Variants in PLCB1 observed in about 807,000 individuals in gnomAD.
PLCB1 encodes the protein 1-phosphatidylinositol 4,5-bisphosphate phosphodiesterase beta-1.
In PLCB1, 46 loss-of-function variants were observed where a neutral mutation model predicts 161.8. The observed-to-expected ratio is 0.28, with a 90% CI of 0.22 to 0.36. The LOEUF (loss-of-function observed/expected upper bound fraction) is 0.36, where lower values mean the gene tolerates loss of function less well. PLCB1 is among the 10% of genes least tolerant of loss of function. The pLI is 1.00. For missense variants in PLCB1, 1,016 were observed against 1,472.5 expected (o/e 0.69, Z 5.07); for synonymous variants, 517 against 503.7 (o/e 1.03, Z -0.35).
At chr20:8,209,105 G>T (rs886434675) in intron 2 of PLCB1, among the ~76,000 whole-genome samples, 1 of 152,100 alleles carries the variant, frequency 6.6e-6, no homozygotes, top group Non-Finnish European at 1.5e-5. Context: ...TCTATGGATT[G>T]TACAGATGGT....
chr20:8,651,761 T>C (rs932903073), intron 7 of PLCB1: 5 of 413,762 alleles, frequency 1.2e-5, no homozygotes, highest in African/African-American at 2.0e-5. Flanking sequence ...AAAGAAAGAC[T>C]GGAGAACTAC....
intron 3 of PLCB1, among the ~76,000 whole-genome samples, chr20:8,505,224 A>G (rs1983589360): frequency 1.3e-5 from 2 of 152,182 alleles, no homozygotes; most frequent in East Asian, 1.9e-4. Flanking sequence ...ACCAATGGCA[A>G]TTCTTTTTAC....
intron 3 of PLCB1, among the ~76,000 whole-genome samples, chr20:8,401,150 G>A (rs944217286): frequency 1.8e-5 from 2 of 111,334 alleles, no homozygotes; most frequent in African/African-American, 4.5e-5. Flanking sequence ...GAGTGGAGAG[G>A]AAACTTTTCA....
intron 2 of PLCB1, among the ~76,000 whole-genome samples, chr20:8,158,577 C>T (rs2051586992): frequency 6.6e-6 from 1 of 152,134 alleles, no homozygotes; most frequent in Non-Finnish European, 1.5e-5. Flanking sequence ...AAAGTCTTAA[C>T]TCATTTCAGC....
chr20:8,631,945 T>C (rs1033730312), intron 4 of PLCB1, among the ~76,000 whole-genome samples: 7 of 150,730 alleles, frequency 4.6e-5, no homozygotes, highest in African/African-American at 1.7e-4. Flanking sequence ...CTACACAATG[T>C]CCTTACAACA....
At chr20:8,459,432 T>C (rs974588738) in intron 3 of PLCB1, among the ~76,000 whole-genome samples, 1 of 152,194 alleles carries the variant, frequency 6.6e-6, no homozygotes, top group African/African-American at 2.4e-5. Flanking sequence ...CTGCCATGTA[T>C]TGCTGCTGCC....
intron 2 of PLCB1, among the ~76,000 whole-genome samples, chr20:8,307,970 G>A (rs933559055): frequency 3.3e-5 from 5 of 151,900 alleles, no homozygotes; most frequent in Non-Finnish European, 7.4e-5. Context: ...TACTTGACTT[G>A]TGGCTGTTTA....
At position 8,501,864 on chromosome 20, in the gene PLCB1, CATATATATATATATATAT is replaced by C. The variant is rs36226867; in HGVS notation, c.247-126395_247-126378del. ...TATTTTTTTTAAAAAAGATATATCG[CATATATATATATATATAT>C]ATATATATATATATATATATATATA... On this transcript the variant is annotated intron_variant, in intron 3 of 31. Coordinates refer to ENST00000338037, the MANE Select transcript of PLCB1 (RefSeq NM_015192.4). 4.7e-3 allele frequency among the ~76,000 whole-genome samples: 494 copies of C among 104,666 alleles called. 7 individuals carry two copies. The highest frequency in any genetic ancestry group is 0.01 in the African/African-American group (273 of 26,436). The allele number at this position is 104,666 out of a possible 152,430, so 68.7% of individuals were successfully genotyped here.
intron 9 of PLCB1, among the ~76,000 whole-genome samples, chr20:8,667,515 CA>C (rs1288140487): frequency 2.6e-5 from 4 of 152,196 alleles, no homozygotes; most frequent in Admixed American, 6.5e-5. Flanking sequence ...TCCCAGAAGG[CA>C]GGGCCTGGGC....
At chr20:8,188,911 T>C (rs1253739981) in intron 2 of PLCB1, among the ~76,000 whole-genome samples, 5 of 152,162 alleles carry the variant, frequency 3.3e-5, no homozygotes, top group Admixed American at 1.3e-4. Context: ...TGTGATTTGA[T>C]AGGTAATTCA....
intron 31 of PLCB1, among the ~76,000 whole-genome samples, chr20:8,824,305 T>C (rs568658166): frequency 6.6e-6 from 1 of 152,286 alleles, no homozygotes; most frequent in South Asian, 2.1e-4. Flanking sequence ...AAAGGGTGGA[T>C]ACACTAAGCA....
intron 3 of PLCB1, among the ~76,000 whole-genome samples, chr20:8,614,533 C>A (rs971826818): frequency 1.3e-5 from 2 of 151,322 alleles, no homozygotes; most frequent in Non-Finnish European, 2.9e-5. Flanking sequence ...TATCAGTAAG[C>A]AGTCAAGTTA....
At chr20:8,590,841 G>A (rs1987127275) in intron 3 of PLCB1, among the ~76,000 whole-genome samples, 1 of 151,922 alleles carries the variant, frequency 6.6e-6, no homozygotes, top group Non-Finnish European at 1.5e-5. Flanking sequence ...TTAAGTTCTG[G>A]GGTCCATGTG....
At chr20:8,356,614 G>A (rs998997656) in intron 2 of PLCB1, among the ~76,000 whole-genome samples, 1 of 152,094 alleles carries the variant, frequency 6.6e-6, no homozygotes, top group Non-Finnish European at 1.5e-5. Flanking sequence ...TAAGACTCAG[G>A]TTAATTTAAT....
chr20:8,795,384 T>C (rs937157134), intron 31 of PLCB1, among the ~76,000 whole-genome samples: 1 of 152,130 alleles, frequency 6.6e-6, no homozygotes, highest in Non-Finnish European at 1.5e-5. Context: ...TGCACATAAG[T>C]CCCATGGAAA....
At chr20:8,276,070 A>G (rs763734625) in intron 2 of PLCB1, among the ~76,000 whole-genome samples, 11 of 152,194 alleles carry the variant, frequency 7.2e-5, no homozygotes, top group Non-Finnish European at 1.3e-4. Flanking sequence ...TTCAGATAAG[A>G]TGCACTGTCA....
At chr20:8,275,956 C>G (rs1982523297) in intron 2 of PLCB1, among the ~76,000 whole-genome samples, 2 of 151,150 alleles carry the variant, frequency 1.3e-5, no homozygotes, top group South Asian at 4.2e-4. Flanking sequence ...TAAGACAGAA[C>G]ATTCACACCT....
intron 3 of PLCB1, among the ~76,000 whole-genome samples, chr20:8,491,789 T>C (rs1982957068): frequency 6.6e-6 from 1 of 152,170 alleles, no homozygotes; most frequent in Non-Finnish European, 1.5e-5. Flanking sequence ...GTACCAAGGA[T>C]TGCCAATTCT....
At chr20:8,711,422 C>T (rs1349128335) in intron 12 of PLCB1, among the ~76,000 whole-genome samples, 1 of 152,216 alleles carries the variant, frequency 6.6e-6, no homozygotes, top group East Asian at 1.9e-4. Context: ...GGCAAAGAGA[C>T]TAGTGCCATT....
Sources: allele counts gnomAD v4.1 joint callset (sites outside exome capture counted in the v4.1 genomes callset), GRCh38; gene constraint gnomAD v4.1.1; transcripts MANE v1.5; gene names NCBI Gene and HGNC (gene_info 2026-07-23, HGNC 2026-07-21).